HSPBAP1: variants seen among roughly 807,000 people sequenced by gnomAD.
HSPBAP1 encodes HSPB1-associated protein 1.
A neutral mutation model predicts 45.2 loss-of-function variants in HSPBAP1; 27 were observed. That is an observed-to-expected ratio of 0.60 (90% CI 0.44 to 0.82). The LOEUF (loss-of-function observed/expected upper bound fraction) is 0.82. Ranked by LOEUF, HSPBAP1 falls within the 40% of genes least tolerant of loss-of-function variation. The probability of loss-of-function intolerance (pLI) is 0.00; values close to 1 mark genes in which losing one functional copy is unlikely to be tolerated. For missense variants in HSPBAP1, 510 were observed against 590.9 expected, an observed-to-expected ratio of 0.86 and a Z score of 1.42; for synonymous variants, 204 against 202.7, an observed-to-expected ratio of 1.01 and a Z score of -0.06.
chr3:122,760,660 G>A (rs2107514624), intron 3 of HSPBAP1, among the ~76,000 whole-genome samples: 2 of 152,186 alleles, frequency 1.3e-5, no homozygotes, highest in South Asian at 4.1e-4. Context: ...AATGCACATG[G>A]CTCACATGTG....
At chr3:122,779,344 T>C (rs1331354410) in intron 1 of HSPBAP1, among the ~76,000 whole-genome samples, 1 of 151,620 alleles carries the variant, frequency 6.6e-6, no homozygotes, top group Non-Finnish European at 1.5e-5. Context: ...CCCGGCCACA[T>C]AGATTTCATT....
chr3:122,758,047 TCA>T (rs1434857631), intron 4 of HSPBAP1, among the ~76,000 whole-genome samples: 6 of 152,252 alleles, frequency 3.9e-5, no homozygotes, highest in Non-Finnish European at 5.9e-5. Flanking sequence ...TCTGTAATTC[TCA>T]GAGTTCTTCA....
intron 3 of HSPBAP1, among the ~76,000 whole-genome samples, chr3:122,762,504 G>A (rs1448489567): frequency 1.3e-5 from 2 of 152,032 alleles, no homozygotes; most frequent in African/African-American, 4.8e-5. Context: ...ATTATACCAA[G>A]GCTAATATTG....
chr3:122,752,952 T>C, intron 5 of HSPBAP1: 1 of 1,114,114 alleles, frequency 9.0e-7, no homozygotes, highest in Non-Finnish European at 1.1e-6. Context: ...TCTTAGTACA[T>C]GATTCTGAGA....
rs1313339562 is a variant in HSPBAP1 at position 122,740,758 on chromosome 3, C to T, written c.1054G>A (p.Glu352Lys). The change falls in exon 8 of 8, where the codon GAG (glutamate) becomes AAG (lysine). Residue 352 changes from glutamate to lysine, a missense_variant. Glu to Lys is a moderately conservative substitution (Grantham distance 56). Transcript: ENST00000306103. Reference sequence around the variant, plus strand: ...TTTAATTCTTCCTTTTTCATGTGCTCTCCATCTGTTCTCAGTGCTTGGATT... The same window carrying T: ...TTTAATTCTTCCTTTTTCATGTGCTTTCCATCTGTTCTCAGTGCTTGGATT... The part of the protein sequence containing the change: ...VEIQALRTDG[E>K]HMKKEELNVC... The T allele has an allele frequency of 2.5e-6, 4 of 1,613,954 alleles. No individual in the cohort carries two copies. Among genetic ancestry groups the T allele is most frequent in the Non-Finnish European group, 3.4e-6 (4 of 1,180,044 alleles).
intron 1 of HSPBAP1, among the ~76,000 whole-genome samples, chr3:122,778,698 T>G (rs1935284016): frequency 6.6e-6 from 1 of 151,906 alleles, no homozygotes; most frequent in Admixed American, 6.6e-5. Context: ...CCCGGCTAAT[T>G]TTTTTGTAGT....
chr3:122,780,560 A>C (rs1488207646), intron 1 of HSPBAP1, among the ~76,000 whole-genome samples: 6 of 105,684 alleles, frequency 5.7e-5, no homozygotes, highest in Admixed American at 1.1e-4. Context: ...GGGGGGCTGA[A>C]CCCCCAACTC....
chr3:122,778,376 T>C, intron 1 of HSPBAP1, among the ~76,000 whole-genome samples: 1 of 151,950 alleles, frequency 6.6e-6, no homozygotes, highest in East Asian at 1.9e-4. Flanking sequence ...AATTGATTGG[T>C]TGCCTATAGA....
intron 3 of HSPBAP1, among the ~76,000 whole-genome samples, chr3:122,764,930 T>C (rs1934722495): frequency 1.3e-5 from 2 of 152,214 alleles, no homozygotes; most frequent in African/African-American, 4.8e-5. Context: ...GGAGCCTCGT[T>C]AAGTCACCAG....
At chr3:122,769,555 T>C (rs538896567) in intron 2 of HSPBAP1, among the ~76,000 whole-genome samples, 1 of 152,392 alleles carries the variant, frequency 6.6e-6, no homozygotes, top group African/African-American at 2.4e-5. Flanking sequence ...CAGAGGAAGT[T>C]AATATTTAAG....
At chr3:122,743,238 G>T (rs1330677586) in intron 6 of HSPBAP1, among the ~76,000 whole-genome samples, 1 of 152,136 alleles carries the variant, frequency 6.6e-6, no homozygotes, top group Non-Finnish European at 1.5e-5. Flanking sequence ...GTCACTTTGG[G>T]CTATTATGAA....
intron 3 of HSPBAP1, chr3:122,762,104 A>C (rs1196795030): frequency 6.6e-6 from 1 of 152,188 alleles, no homozygotes; most frequent in Non-Finnish European, 1.5e-5. Flanking sequence ...CCCTGAAAAG[A>C]GCGACAAGTA....
At chr3:122,745,721 T>C (rs1203971366) in intron 6 of HSPBAP1, among the ~76,000 whole-genome samples, 1 of 152,174 alleles carries the variant, frequency 6.6e-6, no homozygotes, top group African/African-American at 2.4e-5. Flanking sequence ...ATGCTGGCAA[T>C]TTGGATATGC....
rs1161832220 is a variant in HSPBAP1 at position 122,778,517 on chromosome 3, T to TA, written c.65-612_65-611insT. 8.0e-3 allele frequency among the ~76,000 whole-genome samples: 802 copies of TA among 99,698 alleles called. 6 individuals carry two copies. Among genetic ancestry groups the TA allele is most frequent in the Non-Finnish European group, 0.013 (603 of 45,878 alleles). The allele number at this position is 99,698 out of a possible 152,430, so 65.4% of individuals were successfully genotyped here. On this transcript the variant is annotated intron_variant, in intron 1 of 7. Coordinates refer to ENST00000306103, the MANE Select transcript of HSPBAP1 (RefSeq NM_024610.6). ...CCATCCACAGTCTAGTATTTCTTTT[T>TA]TTTTTATTTTTTTTTTTTTTTTGAG...
chr3:122,784,197 T>G (rs1289890390), intron 1 of HSPBAP1, among the ~76,000 whole-genome samples: 3 of 152,180 alleles, frequency 2.0e-5, no homozygotes, highest in Non-Finnish European at 4.4e-5. Context: ...CATATTTTGA[T>G]CCCTACACTA....
intron 1 of HSPBAP1, among the ~76,000 whole-genome samples, chr3:122,785,662 G>C (rs1935629047): frequency 6.6e-6 from 1 of 152,092 alleles, no homozygotes; most frequent in South Asian, 2.1e-4. Context: ...TTACATCTAT[G>C]GTGATGGTCC....
chr3:122,740,982 TGAA>T lies in HSPBAP1; in HGVS notation c.936+18_936+20del. ...TACCACAGGAAACTAACTGCCATGA[TGAA>T]GACCAGAAGCCGCCTACCTCAGTGG... On this transcript the variant is annotated intron_variant, in intron 7 of 7. Coordinates refer to ENST00000306103, the MANE Select transcript of HSPBAP1 (RefSeq NM_024610.6). 6.2e-7 allele frequency: 1 copy of T among 1,609,802 alleles called. No individual in the cohort carries two copies. Among genetic ancestry groups the T allele is most frequent in the African/African-American group, 1.3e-5 (1 of 74,972 alleles).
chr3:122,774,589 T>C (rs999772557), intron 2 of HSPBAP1, among the ~76,000 whole-genome samples: 1 of 152,144 alleles, frequency 6.6e-6, no homozygotes, highest in Non-Finnish European at 1.5e-5. Flanking sequence ...AGAAATAAGA[T>C]TAGATTTGTT....
chr3:122,745,428 G>A (rs1482950335), intron 6 of HSPBAP1, among the ~76,000 whole-genome samples: 1 of 152,166 alleles, frequency 6.6e-6, no homozygotes, highest in Non-Finnish European at 1.5e-5. Context: ...GCCCTTATCT[G>A]CAGTTTCGCT....
Sources: gnomAD v4.1 joint callset for allele counts (sites outside exome capture counted in the v4.1 genomes callset) on GRCh38, gnomAD v4.1.1 for gene constraint, MANE v1.5 for transcripts, NCBI Gene and HGNC (gene_info 2026-07-23, HGNC 2026-07-21) for gene names.